The following IQSEC3 variants were observed in gnomAD, a reference collection of about 807,000 sequenced individuals.
The protein encoded by IQSEC3 is IQ motif and Sec7 domain ArfGEF 3.
A neutral mutation model predicts 105.4 loss-of-function variants in IQSEC3; 50 were observed. That is an observed-to-expected ratio of 0.47 (90% CI 0.38 to 0.60). The LOEUF (loss-of-function observed/expected upper bound fraction) is 0.60, where lower values mean the gene tolerates loss of function less well. Ranked by LOEUF, IQSEC3 falls within the 20% of genes least tolerant of loss-of-function variation. The pLI, the probability that IQSEC3 is intolerant of heterozygous loss-of-function variation, is 0.00. For synonymous variants in IQSEC3, 708 were observed against 746.0 expected, an observed-to-expected ratio of 0.95 and a Z score of 0.83; for missense variants, 1,415 against 1,630.0, an observed-to-expected ratio of 0.87 and a Z score of 2.27.
intron 2 of IQSEC3, among the ~76,000 whole-genome samples, chr12:110,750 G>A (rs1184467897): frequency 6.6e-6 from 1 of 151,984 alleles, no homozygotes; most frequent in Non-Finnish European, 1.5e-5. Flanking sequence ...AAACCGAGGG[G>A]GTCTTCCCAG....
chr12:110,164 T>C (rs1864831972), intron 2 of IQSEC3, among the ~76,000 whole-genome samples: 1 of 152,202 alleles, frequency 6.6e-6, no homozygotes, highest in Admixed American at 6.5e-5. Context: ...TTTTACTTTT[T>C]CTCTTTCTCC....
At chr12:165,978 G>C (rs927830537) in intron 11 of IQSEC3, 88 bp downstream of exon 11, 116 of 1,489,766 alleles carry the variant, frequency 7.8e-5, no homozygotes, top group Admixed American at 1.3e-4. Flanking sequence ...CCTGACTCCA[G>C]GGAGCTGGCC....
In IQSEC3 at chr12:138,409, G is replaced by A. The variant is rs782529057; in HGVS notation, c.1046G>A (p.Arg349Gln). The A allele has an allele frequency of 1.9e-6, 3 of 1,609,522 alleles. No homozygotes were observed. Among genetic ancestry groups the A allele is most frequent in the East Asian group, 2.2e-5 (1 of 44,852 alleles). Residue 349 changes from arginine (R) to glutamine (Q), a missense_variant, in exon 4 of 14, where the codon CGG becomes CAG. Around this residue, in one of 6 missense-constraint regions of IQSEC3, gnomAD observed 720 missense variants for 633.0 expected, o/e 1.14. Transcript: ENST00000538872. This position sits in a 1 kb window ranked among gnomAD's most constrained non-coding sequence, Gnocchi z 7.1. ...TCGCTTCTGGAGAGCCGCCTGCCAC[G>A]GCGGATCTCCCTGCGCAAGGTGCGG... ...RNSLLESRLP[R>Q]RISLRKVRSP...
At chr12:69,406 AG>A (rs1247190702) in intron 1 of IQSEC3, among the ~76,000 whole-genome samples, 3 of 152,268 alleles carry the variant, frequency 2.0e-5, no homozygotes, top group Non-Finnish European at 4.4e-5. Context: ...AATTCTGGAG[AG>A]GAGTTATAAT....
intron 5 of IQSEC3, among the ~76,000 whole-genome samples, chr12:156,177 CACTGA>C (rs1866678594): frequency 6.6e-6 from 1 of 152,108 alleles, no homozygotes; most frequent in South Asian, 2.1e-4. Context: ...CACCCACACA[CACTGA>C]AGCTCGGGAT....
intron 7 of IQSEC3, among the ~76,000 whole-genome samples, chr12:160,884 G>A (rs944495923): frequency 4.6e-5 from 7 of 152,094 alleles, no homozygotes; most frequent in African/African-American, 1.7e-4. Context: ...TGTCTTTGTG[G>A]GTGTATGCTT....
In IQSEC3 at chr12:152,404, G is replaced by C. The variant is rs1303879109; in HGVS notation, c.2154-4621G>C. On this transcript the variant is annotated intron_variant, in intron 5 of 13. Transcript: ENST00000538872. This position sits in a 1 kb window ranked among gnomAD's most constrained non-coding sequence, Gnocchi z 4.8. ...ACAGCCCCTAGGAAGACATGCATTAGTGCCAGCCACTGAGCAGCAGAGAGC... is the reference window on the plus strand; with the variant it reads ...ACAGCCCCTAGGAAGACATGCATTACTGCCAGCCACTGAGCAGCAGAGAGC... 6.6e-6 allele frequency among the ~76,000 whole-genome samples: 1 copy of C among 152,194 alleles called. No individual in the cohort carries two copies. Among genetic ancestry groups the C allele is most frequent in the Non-Finnish European group, 1.5e-5 (1 of 68,038 alleles).
intron 8 of IQSEC3, among the ~76,000 whole-genome samples, chr12:163,069 G>A (rs868993752): frequency 2.6e-5 from 4 of 152,028 alleles, no homozygotes; most frequent in East Asian, 1.9e-4. Context: ...GTGAACGTGC[G>A]AGGGAAAGAG....
intron 3 of IQSEC3, among the ~76,000 whole-genome samples, chr12:135,767 C>T (rs75464063): frequency 0.05 from 7,652 of 152,236 alleles, 252 homozygotes; most frequent in East Asian, 0.15. Context: ...CAGCAGGCAA[C>T]CTCTAGTGAC....
rs116795494 is a variant in IQSEC3, at chr12:104,080, T to C, written c.623+4866T>C. Among the ~76,000 whole-genome samples the C allele has an allele frequency of 8.7e-4, 132 of 152,186 alleles. 2 individuals carry two copies. Among genetic ancestry groups the C allele is most frequent in the African/African-American group, 3.1e-3 (127 of 41,494 alleles). ...CATCCTTACTCCAAGATGGAAGACA[T>C]AGTGAACACATTATTTATTGAACGT... On this transcript the variant is annotated intron_variant, in intron 2 of 13. Coordinates refer to ENST00000538872, the MANE Select transcript of IQSEC3 (RefSeq NM_001170738.2).
chr12:102,786 T>TTCAGC (rs1864470718), intron 2 of IQSEC3, among the ~76,000 whole-genome samples: 1 of 152,090 alleles, frequency 6.6e-6, no homozygotes, highest in Admixed American at 6.5e-5. Flanking sequence ...AGCGTGGGTG[T>TTCAGC]CTGCAAAGGG....
intron 1 of IQSEC3, among the ~76,000 whole-genome samples, chr12:92,986 C>T (rs1555073870): frequency 6.6e-6 from 1 of 152,168 alleles, no homozygotes; most frequent in African/African-American, 2.4e-5. Flanking sequence ...AATAAAAGGG[C>T]TGGGTCAGGA....
chr12:130,975 A>C (rs1591693579), intron 3 of IQSEC3, among the ~76,000 whole-genome samples: 9 of 118,708 alleles, frequency 7.6e-5, no homozygotes, highest in Admixed American at 3.0e-4. Flanking sequence ...AGCCCCCCAC[A>C]CCTCCCCGCG....
At chr12:160,623 A>G (rs1866856505) in intron 7 of IQSEC3, among the ~76,000 whole-genome samples, 1 of 151,990 alleles carries the variant, frequency 6.6e-6, no homozygotes, top group East Asian at 1.9e-4. Context: ...CTTCTGCTGG[A>G]GTGAGGAGGG....
chr12:139,496 C>G (rs1393196958), intron 4 of IQSEC3, 142 bp downstream of exon 4: 1 of 584,178 alleles, frequency 1.7e-6, no homozygotes, highest in East Asian at 2.9e-5. Flanking sequence ...GCATCTGTGC[C>G]GTGCCTGATC....
Position 174,696 on chromosome 12 carries a change from C to T in IQSEC3, c.3212C>T (p.Pro1071Leu). 6.3e-7 allele frequency: 1 copy of T among 1,593,692 alleles called. No individual in the cohort carries two copies. ...CCGCCGCCAGACCTGCAGCCTAGCC[C>T]CCCGAGACAGCAGACCCCACCACTG... Reference protein sequence around the residue: ...PVPPPDLQPSPPRQQTPPLPP... With the variant: ...PVPPPDLQPSLPRQQTPPLPP... The change falls in exon 14 of 14, where the codon CCC becomes CTC. Residue 1071 changes from proline to leucine, a missense_variant. This residue lies in a region of IQSEC3 where 419 missense variants were observed against 436.2 expected (regional missense o/e 0.96). Coordinates refer to ENST00000538872, the MANE Select transcript of IQSEC3 (RefSeq NM_001170738.2).
At chr12:93,944 G>A (rs548032338) in intron 1 of IQSEC3, among the ~76,000 whole-genome samples, 37 of 152,250 alleles carry the variant, frequency 2.4e-4, no homozygotes, top group East Asian at 1.9e-4. Flanking sequence ...ACTATGAATG[G>A]AAGCAGCCTG....
intron 13 of IQSEC3, among the ~76,000 whole-genome samples, chr12:173,412 G>T (rs1939111057): frequency 6.6e-6 from 1 of 152,198 alleles, no homozygotes; most frequent in Non-Finnish European, 1.5e-5. Context: ...GGAGTGCACA[G>T]GTCCGGGAAA....
At chr12:104,963 G>A (rs1864594305) in intron 2 of IQSEC3, among the ~76,000 whole-genome samples, 1 of 152,270 alleles carries the variant, frequency 6.6e-6, no homozygotes, top group Non-Finnish European at 1.5e-5. Context: ...GCGGCCTCAC[G>A]TGCCTGCTCC....
Sources: allele counts gnomAD v4.1 joint callset (sites outside exome capture counted in the v4.1 genomes callset), GRCh38; gene constraint gnomAD v4.1.1; regional missense constraint gnomAD v4.1.1; non-coding constraint Gnocchi (gnomAD v3.1); transcripts MANE v1.5; gene names NCBI Gene and HGNC (gene_info 2026-07-23, HGNC 2026-07-21).